Variants in SRGAP1 observed in about 807,000 individuals in gnomAD.
The protein encoded by SRGAP1 is SLIT-ROBO Rho GTPase activating protein 1, also known as SLIT-ROBO Rho GTPase-activating protein 1.
In SRGAP1, 43 loss-of-function variants were observed where a neutral mutation model predicts 121.9. That is an observed-to-expected ratio of 0.35 (90% CI 0.28 to 0.46). SRGAP1 has a LOEUF of 0.46. SRGAP1 is among the 20% of genes least tolerant of loss of function. The probability of loss-of-function intolerance (pLI) is 1.00; values close to 1 mark genes in which losing one functional copy is unlikely to be tolerated. For missense variants in SRGAP1, 1,102 were observed against 1,350.9 expected (o/e 0.82, Z 2.89); for synonymous variants, 447 against 485.4 (o/e 0.92, Z 1.04).
chr12:63,865,124 C>T (rs1285739798), intron 1 of SRGAP1, among the ~76,000 whole-genome samples: 1 of 152,078 alleles, frequency 6.6e-6, no homozygotes, highest in African/African-American at 2.4e-5. Context: ...AGCATTATAA[C>T]CAACACATTT....
At chr12:63,927,783 A>G (rs2031314307) in intron 1 of SRGAP1, among the ~76,000 whole-genome samples, 2 of 152,008 alleles carry the variant, frequency 1.3e-5, no homozygotes, top group Admixed American at 1.3e-4. Context: ...ATATACCATA[A>G]TGTTCCCAGT....
intron 6 of SRGAP1, among the ~76,000 whole-genome samples, chr12:64,046,654 G>C (rs188890357): frequency 2.6e-5 from 4 of 152,240 alleles, no homozygotes; most frequent in Non-Finnish European, 5.9e-5. Context: ...GGCCCCAGGG[G>C]AGAAGCAGGC....
chr12:63,921,512 G>A (rs892587880), intron 1 of SRGAP1, among the ~76,000 whole-genome samples: 1 of 152,162 alleles, frequency 6.6e-6, no homozygotes, highest in Non-Finnish European at 1.5e-5. Flanking sequence ...CGTTTGCACA[G>A]GCTGAACCTG....
intron 8 of SRGAP1, among the ~76,000 whole-genome samples, chr12:64,073,340 A>G (rs528110685): frequency 1.3e-5 from 2 of 152,330 alleles, no homozygotes; most frequent in African/African-American, 4.8e-5. Context: ...TGTGCATTTG[A>G]TAATGCTGCT....
At chr12:63,983,317 C>T (rs574935315) in intron 1 of SRGAP1, 19 of 152,284 alleles carry the variant, frequency 1.2e-4, no homozygotes, top group African/African-American at 3.6e-4. Context: ...GAAAAAATTG[C>T]AGTGTTTCCA....
chr12:63,909,580 T>C (rs1304538246), intron 1 of SRGAP1, among the ~76,000 whole-genome samples: 1 of 152,258 alleles, frequency 6.6e-6, no homozygotes, highest in Non-Finnish European at 1.5e-5. Context: ...TGTGTTCCTG[T>C]CGTCTTTTTT....
At position 64,156,494 on chromosome 12, in the gene SRGAP1, G is replaced by GGATAC; in HGVS notation, c.*13823_*13827dup. ...TTTCTATCATCCTATTCCTTGTGAT[G>GGATAC]GATACCCAAGGGTACTCATCTACAG... On this transcript the variant is annotated 3_prime_UTR_variant, in exon 22 of 22. Coordinates refer to ENST00000355086, the MANE Select transcript of SRGAP1 (RefSeq NM_020762.4). 6.6e-6 allele frequency: 1 copy of GGATAC among 152,214 alleles called. No individual in the cohort carries two copies. Among genetic ancestry groups the GGATAC allele is most frequent in the South Asian group, 2.1e-4 (1 of 4,808 alleles). The allele number at this position is 152,214 out of a possible 1,614,324, so 9.4% of individuals were successfully genotyped here.
chr12:63,868,036 ATATAT>A (rs1206417998), intron 1 of SRGAP1, among the ~76,000 whole-genome samples: 1 of 28,328 alleles, frequency 3.5e-5, no homozygotes, highest in African/African-American at 1.3e-4. Context: ...TTCTATTTCC[ATATAT>A]ATATATATAT....
intron 1 of SRGAP1, among the ~76,000 whole-genome samples, chr12:63,967,510 T>C (rs969205215): frequency 5.9e-5 from 9 of 152,242 alleles, no homozygotes; most frequent in African/African-American, 2.2e-4. Context: ...GATACATTTT[T>C]GTTGAACCAG....
rs1488468975 is a variant in SRGAP1, at chr12:64,142,205, C to T, written c.2881-90C>T. The T allele has an allele frequency of 1.4e-5, 19 of 1,383,750 alleles. No homozygotes were observed. In the East Asian group the frequency reaches 2.5e-4, roughly 18 times the overall value. 85.7% of individuals were successfully genotyped at this position (1,383,750 alleles called of 1,614,324 possible). A position where few individuals can be genotyped will look rare whatever the true frequency, so the allele number is the denominator to read the frequency against. ...CAAAGATATCCATACTCTGCTGGGC[C>T]GTTTACTTTGAAATTAAGTGTCTGG... On this transcript the variant is annotated intron_variant, in intron 21 of 21. Transcript: ENST00000355086.
At chr12:64,135,313 G>A (rs1333109666) in intron 21 of SRGAP1, among the ~76,000 whole-genome samples, 1 of 152,124 alleles carries the variant, frequency 6.6e-6, no homozygotes, top group Non-Finnish European at 1.5e-5. Flanking sequence ...GCAGGTCAGC[G>A]ACTTGCATAA....
intron 8 of SRGAP1, among the ~76,000 whole-genome samples, chr12:64,078,272 A>G (rs2035772802): frequency 6.6e-6 from 1 of 152,246 alleles, no homozygotes; most frequent in Non-Finnish European, 1.5e-5. Context: ...ACTAAAAAAA[A>G]TCATCTATCA....
intron 1 of SRGAP1, among the ~76,000 whole-genome samples, chr12:63,958,599 G>T (rs1265763941): frequency 2.0e-5 from 3 of 152,204 alleles, no homozygotes; most frequent in Non-Finnish European, 2.9e-5. Flanking sequence ...GGACAGTGAA[G>T]ATTATCATTT....
chr12:64,091,453 G>A (rs2036051116), intron 12 of SRGAP1, 75 bp downstream of exon 12: 4 of 1,063,310 alleles, frequency 3.8e-6, no homozygotes, highest in Admixed American at 4.2e-5. Context: ...TGTAAGAGGA[G>A]GAAGGTCATT....
chr12:63,989,818 G>A (rs147321360), intron 2 of SRGAP1, 92 bp from the exon 3 acceptor site: 18 of 913,864 alleles, frequency 2.0e-5, no homozygotes, highest in Non-Finnish European at 2.9e-5. Flanking sequence ...GTATCCATCT[G>A]TTGTGGTTCT....
chr12:64,071,198 C>G (rs903641189), intron 8 of SRGAP1, among the ~76,000 whole-genome samples: 2 of 152,114 alleles, frequency 1.3e-5, no homozygotes, highest in African/African-American at 2.4e-5. Context: ...AGCTTTAACT[C>G]ACTGAAGGGA....
rs560336160 is a variant in SRGAP1, at chr12:63,865,051, T to C, written c.67+20168T>C. Reference sequence around the variant, plus strand: ...ATTGGTGCAAAAGTGCAATTACTTTTGCACCATGAATTTTAAATCATTATT... The same window carrying C: ...ATTGGTGCAAAAGTGCAATTACTTTCGCACCATGAATTTTAAATCATTATT... On this transcript the variant is annotated intron_variant, in intron 1 of 21. Coordinates refer to ENST00000355086, the MANE Select transcript of SRGAP1 (RefSeq NM_020762.4). Among the ~76,000 whole-genome samples, 7 of 152,320 alleles carry C rather than the reference T, an allele frequency of 4.6e-5. No individual in the cohort carries two copies. In the East Asian group the frequency reaches 7.7e-4, roughly 17 times the overall value.
intron 9 of SRGAP1, among the ~76,000 whole-genome samples, chr12:64,080,008 C>T (rs892127645): frequency 2.0e-5 from 3 of 151,964 alleles, no homozygotes; most frequent in Admixed American, 6.6e-5. Flanking sequence ...TTTGGGAGGC[C>T]GAGGCAGGCG....
chr12:64,116,255 C>CAAAA (rs35619316), intron 18 of SRGAP1, among the ~76,000 whole-genome samples: 5 of 72,658 alleles, frequency 6.9e-5, no homozygotes, highest in Non-Finnish European at 5.5e-5. Flanking sequence ...GACCTCATCT[C>CAAAA]AAAAAAAAAA....
Sources: gnomAD v4.1 joint callset for allele counts (sites outside exome capture counted in the v4.1 genomes callset) on GRCh38, gnomAD v4.1.1 for gene constraint, MANE v1.5 for transcripts, NCBI Gene and HGNC (gene_info 2026-07-23, HGNC 2026-07-21) for gene names.